The following FAF1 variants were observed in gnomAD, a reference collection of about 807,000 sequenced individuals.
The protein encoded by FAF1 is FAS-associated factor 1.
Under a neutral mutation model 92.5 loss-of-function variants are expected in FAF1, and 25 were observed. That is an observed-to-expected ratio of 0.27 (90% CI 0.20 to 0.38). The LOEUF is 0.38. FAF1 is among the 10% of genes least tolerant of loss of function. The pLI is 1.00. For synonymous variants in FAF1, 234 were observed against 273.2 expected (o/e 0.86, Z 1.42); for missense variants, 636 against 793.3 (o/e 0.80, Z 2.38).
intron 1 of FAF1, among the ~76,000 whole-genome samples, chr1:50,917,688 GGAAAGGAAAGGAAA>G (rs1644930486): frequency 8.0e-6 from 1 of 124,912 alleles, no homozygotes; most frequent in African/African-American, 2.9e-5. Context: ...GGAAAGGAAA[GGAAAGGAAAGGAAA>G]AGAAAGAAAA....
intron 15 of FAF1, among the ~76,000 whole-genome samples, chr1:50,492,434 T>C (rs1646850814): frequency 6.6e-6 from 1 of 152,228 alleles, no homozygotes; most frequent in African/African-American, 2.4e-5. Flanking sequence ...TTATCTAAGT[T>C]GAAAATCTCT....
intron 1 of FAF1, among the ~76,000 whole-genome samples, chr1:50,875,817 C>T (rs185837313): frequency 2.0e-5 from 3 of 152,248 alleles, no homozygotes; most frequent in Non-Finnish European, 2.9e-5. Context: ...AACTTACCCC[C>T]CTAACTGAAA....
At chr1:50,816,329 C>G (rs552691262) in intron 2 of FAF1, among the ~76,000 whole-genome samples, 212 of 151,542 alleles carry the variant, frequency 1.4e-3, no homozygotes, top group African/African-American at 4.8e-3. Context: ...CTCAGCCTCC[C>G]GAGTAGCTGG....
chr1:50,750,973 C>CT (rs111253797), intron 4 of FAF1, among the ~76,000 whole-genome samples: 66,551 of 143,936 alleles, frequency 0.46, 16,841 homozygotes, highest in African/African-American at 0.68. Context: ...AAGTTTAGCT[C>CT]TTTTTTTTTT....
intron 15 of FAF1, among the ~76,000 whole-genome samples, chr1:50,534,933 C>T (rs1557984956): frequency 6.6e-6 from 1 of 152,172 alleles, no homozygotes; most frequent in Admixed American, 6.5e-5. Flanking sequence ...AGATCTTTTG[C>T]TAATGCTCAC....
intron 13 of FAF1, among the ~76,000 whole-genome samples, chr1:50,547,833 T>C (rs1354684759): frequency 6.6e-6 from 1 of 152,214 alleles, no homozygotes; most frequent in Non-Finnish European, 1.5e-5. Flanking sequence ...AGGAGACAAT[T>C]TATCCTAAGT....
rs755424291 is a variant in FAF1 at position 50,874,758 on chromosome 1, CTTTTTTTTTTTTT to C, written c.46-16774_46-16762del. ...TTCTCCATCTTATTTTCTTTTCTTT[CTTTTTTTTTTTTT>C]TTTTTTTTTTTTTTTGGAGACAGGG... On this transcript the variant is annotated intron_variant, in intron 1 of 18. Transcript: ENST00000396153. Among the ~76,000 whole-genome samples, 25 of 67,228 alleles carry C rather than the reference CTTTTTTTTTTTTT, an allele frequency of 3.7e-4. 1 individual carries two copies. Among genetic ancestry groups the C allele is most frequent in the Non-Finnish European group, 6.3e-4 (23 of 36,412 alleles). 44.1% of individuals were successfully genotyped at this position (67,228 alleles called of 152,430 possible). A position where few individuals can be genotyped will look rare whatever the true frequency, so the allele number is the denominator to read the frequency against.
At chr1:50,765,806 T>C (rs1406246979) in intron 4 of FAF1, among the ~76,000 whole-genome samples, 1 of 152,064 alleles carries the variant, frequency 6.6e-6, no homozygotes, top group Non-Finnish European at 1.5e-5. Context: ...AAGAGTAAAA[T>C]AGGGCTAGGC....
chr1:50,909,885 G>A (rs927666204), intron 1 of FAF1, among the ~76,000 whole-genome samples: 4 of 152,154 alleles, frequency 2.6e-5, no homozygotes, highest in African/African-American at 9.7e-5. Context: ...GTCTCAACTC[G>A]TCAAAGTCAT....
intron 6 of FAF1, among the ~76,000 whole-genome samples, chr1:50,707,509 G>A (rs1657730473): frequency 6.6e-6 from 1 of 151,864 alleles, no homozygotes; most frequent in Non-Finnish European, 1.5e-5. Context: ...GACCACCCCG[G>A]GTAACATGGT....
At chr1:50,708,293 C>G (rs1454226491) in intron 6 of FAF1, among the ~76,000 whole-genome samples, 1 of 152,088 alleles carries the variant, frequency 6.6e-6, no homozygotes, top group African/African-American at 2.4e-5. Flanking sequence ...AGATGAAAAA[C>G]TGTCAAGTTC....
intron 2 of FAF1, among the ~76,000 whole-genome samples, chr1:50,855,146 C>T (rs1348922616): frequency 6.6e-6 from 1 of 151,774 alleles, no homozygotes; most frequent in African/African-American, 2.4e-5. Context: ...CCAAGCATTT[C>T]GGATAAGGAA....
intron 18 of FAF1, chr1:50,452,276 A>C: frequency 1.6e-6 from 1 of 631,354 alleles, no homozygotes; most frequent in Non-Finnish European, 2.5e-6. Context: ...GAAAGCATAA[A>C]CTGGACACAG....
In FAF1 at chr1:50,583,889, A is replaced by G. The variant is rs950112649; in HGVS notation, c.968-174T>C. ...CTGAGGGGATAGTTTAACTCAACAT[A>G]TATTAGATCTCATCAAACCAGAATC... On this transcript the variant is annotated intron_variant, in intron 10 of 18. Coordinates refer to ENST00000396153, the MANE Select transcript of FAF1 (RefSeq NM_007051.3). The surrounding 1 kb of genome is among the most constrained non-coding windows in gnomAD (Gnocchi z 4.2). 4.6e-5 allele frequency among the ~76,000 whole-genome samples: 7 copies of G among 152,048 alleles called. No individual in the cohort carries two copies. Among genetic ancestry groups the G allele is most frequent in the African/African-American group, 1.7e-4 (7 of 41,440 alleles).
chr1:50,869,229 T>C (rs569217867), intron 1 of FAF1, among the ~76,000 whole-genome samples: 2 of 152,200 alleles, frequency 1.3e-5, no homozygotes, highest in Non-Finnish European at 2.9e-5. Flanking sequence ...TAATTTTCCA[T>C]ATTTTTTAAC....
rs1659521016 is a variant in FAF1 at position 50,744,785 on chromosome 1, TAAG to T, written c.368-13_368-11del. 5 of 1,468,668 alleles carry T rather than the reference TAAG, an allele frequency of 3.4e-6. No individual in the cohort carries two copies. The highest frequency in any genetic ancestry group is 4.7e-6 in the Non-Finnish European group (5 of 1,062,458). The allele number at this position is 1,468,668 out of a possible 1,614,324, so 91.0% of individuals were successfully genotyped here. ...ATCTGTTTAATCTCTCCTGTATAAA[TAAG>T]AAGAGATCAAATATTACTAACAAAA... On this transcript the variant is annotated splice_polypyrimidine_tract_variant and intron_variant, in intron 4 of 18. Coordinates refer to ENST00000396153, the MANE Select transcript of FAF1 (RefSeq NM_007051.3).
At chr1:50,910,534 C>A (rs1644876101) in intron 1 of FAF1, among the ~76,000 whole-genome samples, 1 of 152,138 alleles carries the variant, frequency 6.6e-6, no homozygotes. Flanking sequence ...TGGGCTCCAC[C>A]CAGTTCGAGC....
At chr1:50,889,165 G>A (rs1300135352) in intron 1 of FAF1, among the ~76,000 whole-genome samples, 2 of 152,220 alleles carry the variant, frequency 1.3e-5, no homozygotes, top group African/African-American at 4.8e-5. Context: ...GGTGTTTACA[G>A]TATTCTCTGA....
chr1:50,474,914 A>C (rs1224236402), intron 18 of FAF1, among the ~76,000 whole-genome samples: 1 of 152,236 alleles, frequency 6.6e-6, no homozygotes, highest in Non-Finnish European at 1.5e-5. Flanking sequence ...AATCTAACAC[A>C]TCTATATCTC....
Sources: gnomAD v4.1 joint callset for allele counts (sites outside exome capture counted in the v4.1 genomes callset) on GRCh38, gnomAD v4.1.1 for gene constraint, Gnocchi (gnomAD v3.1) non-coding constraint, MANE v1.5 for transcripts, NCBI Gene and HGNC (gene_info 2026-07-23, HGNC 2026-07-21) for gene names.